The following RUNDC3B variants were observed in gnomAD, a reference collection of about 807,000 sequenced individuals.
RUNDC3B encodes the protein RUN domain-containing protein 3B.
In RUNDC3B, 33 loss-of-function variants were observed where a neutral mutation model predicts 58.4. The observed-to-expected ratio is 0.56, with a 90% confidence interval of 0.43 to 0.75. RUNDC3B has a LOEUF of 0.75. RUNDC3B is among the 30% of genes least tolerant of loss of function. RUNDC3B has a pLI of 0.00. For synonymous variants in RUNDC3B, 193 were observed against 195.2 expected (o/e 0.99, Z 0.10); for missense variants, 501 against 535.7 (o/e 0.94, Z 0.64).
chr7:87,637,924 C>G (rs1286354719), intron 1 of RUNDC3B, among the ~76,000 whole-genome samples: 1 of 151,888 alleles, frequency 6.6e-6, no homozygotes, highest in Non-Finnish European at 1.5e-5. Context: ...GCTAGGACCA[C>G]TAATGCAGTG....
At chr7:87,670,965 C>T (rs1005494295) in intron 2 of RUNDC3B, among the ~76,000 whole-genome samples, 12 of 151,828 alleles carry the variant, frequency 7.9e-5, no homozygotes, top group South Asian at 2.1e-4. Context: ...AGCTTTGGGG[C>T]GATCTCAGTG....
At position 87,628,584 on chromosome 7, in the gene RUNDC3B, CGTGTGTGTGTGTGTGTGTGTGTGTGT is replaced by C. The variant is rs71117546; in HGVS notation, c.-224_-199del. The stretch of plus-strand genomic sequence containing the variant: ...CGAGGGCGGAGGTGGTGCGTGCGTG[CGTGTGTGTGTGTGTGTGTGTGTGTGT>C]GTGTGTGTGTGTGTGGAGCTCGGGT... On this transcript the variant is annotated 5_prime_UTR_variant, in exon 1 of 11. Transcript: ENST00000394654. The C allele has an allele frequency of 7.2e-5, 21 of 290,760 alleles. No individual in the cohort carries two copies. In the South Asian group the frequency reaches 2.1e-3, roughly 29 times the overall value. The allele number at this position is 290,760 out of a possible 1,614,324, so 18.0% of individuals were successfully genotyped here. A position where few individuals can be genotyped will look rare whatever the true frequency, so the allele number is the denominator to read the frequency against.
chr7:87,658,812 A>G (rs1449623532), intron 2 of RUNDC3B, among the ~76,000 whole-genome samples: 1 of 152,192 alleles, frequency 6.6e-6, no homozygotes, highest in African/African-American at 2.4e-5. Context: ...CAGGAAAGAC[A>G]ACTAAGGAAA....
chr7:87,742,618 AGAT>A (rs1411631114), intron 6 of RUNDC3B, among the ~76,000 whole-genome samples: 1 of 151,530 alleles, frequency 6.6e-6, no homozygotes, highest in African/African-American at 2.4e-5. Context: ...ATAGATAGAT[AGAT>A]ATCATGGTTT....
chr7:87,737,313 A>G (rs969737616), intron 4 of RUNDC3B, among the ~76,000 whole-genome samples: 15 of 152,108 alleles, frequency 9.9e-5, no homozygotes, highest in Non-Finnish European at 2.9e-5. Context: ...CATTTATTTT[A>G]TGATCTTGGT....
chr7:87,804,944 T>A (rs1222320431), intron 8 of RUNDC3B, among the ~76,000 whole-genome samples: 1 of 152,172 alleles, frequency 6.6e-6, no homozygotes, highest in Admixed American at 6.6e-5. Context: ...ATTAACTGGG[T>A]ATATTTCACT....
rs1298728940 is a variant in RUNDC3B, at chr7:87,807,355, C to A, written c.957-18C>A. On this transcript the variant is annotated intron_variant, in intron 8 of 10. Transcript: ENST00000394654. ...AGAACAGTGAAGACAAAAGCACTCA[C>A]CATCTTAATATTCACAGGACTGTGC... 1 of 1,612,610 alleles carries A rather than the reference C, an allele frequency of 6.2e-7. No individual in the cohort carries two copies.
rs1283028298 is a variant in RUNDC3B, at chr7:87,741,579, G to A, written c.629G>A (p.Ser210Asn). 2 of 1,516,330 alleles carry A rather than the reference G, an allele frequency of 1.3e-6. No homozygotes were observed. Among genetic ancestry groups the A allele is most frequent in the Non-Finnish European group, 1.8e-6 (2 of 1,104,034 alleles). The allele number at this position is 1,516,330 out of a possible 1,614,324, so 93.9% of individuals were successfully genotyped here. The change falls in exon 6 of 11, where the codon AGT becomes AAT. Residue 210 changes from serine (S) to asparagine (N), a missense_variant and splice_region_variant. Coordinates refer to ENST00000394654, the MANE Select transcript of RUNDC3B (RefSeq NM_001134405.2). ...ACACCATATTTGAAGTATATCCAAA[G>A]GTATGTGACATTTTGAGATATGTTT... ...DYTPYLKYIQ[S>N]SDSISSDEEE...
intron 4 of RUNDC3B, among the ~76,000 whole-genome samples, chr7:87,732,666 T>C (rs1009114919): frequency 3.9e-5 from 6 of 152,144 alleles, no homozygotes; most frequent in African/African-American, 1.4e-4. Context: ...TCTGGTCCCG[T>C]GGTGCCAACA....
At chr7:87,741,318 T>C (rs1014286102) in intron 5 of RUNDC3B, among the ~76,000 whole-genome samples, 181 bp from the exon 6 acceptor site, 2 of 152,170 alleles carry the variant, frequency 1.3e-5, no homozygotes, top group African/African-American at 4.8e-5. Flanking sequence ...GTCATTGGTA[T>C]TGAAGGTAGA....
At chr7:87,763,546 G>C (rs1307577632) in intron 6 of RUNDC3B, among the ~76,000 whole-genome samples, 1 of 151,516 alleles carries the variant, frequency 6.6e-6, no homozygotes, top group Non-Finnish European at 1.5e-5. Context: ...TTGTATGACA[G>C]GGGTTTTTTA....
At chr7:87,680,622 G>A (rs549132905) in intron 2 of RUNDC3B, among the ~76,000 whole-genome samples, 8 of 150,080 alleles carry the variant, frequency 5.3e-5, no homozygotes, top group South Asian at 2.1e-4. Flanking sequence ...GTGAAACCCC[G>A]TTTCTACCAA....
intron 6 of RUNDC3B, among the ~76,000 whole-genome samples, chr7:87,761,346 TGGA>T (rs886717427): frequency 1.3e-5 from 2 of 151,930 alleles, no homozygotes; most frequent in African/African-American, 4.8e-5. Flanking sequence ...GGTGAGGATG[TGGA>T]GAAGTTGCAT....
intron 8 of RUNDC3B, among the ~76,000 whole-genome samples, chr7:87,804,182 G>A (rs1836316486): frequency 6.6e-6 from 1 of 152,134 alleles, no homozygotes; most frequent in African/African-American, 2.4e-5. Flanking sequence ...GAAGATGGAT[G>A]GAATTTGGAT....
At chr7:87,690,083 A>G (rs1827873344) in intron 2 of RUNDC3B, among the ~76,000 whole-genome samples, 1 of 151,852 alleles carries the variant, frequency 6.6e-6, no homozygotes, top group Admixed American at 6.6e-5. Context: ...TTCTGCTTCC[A>G]CCTCCTAAAG....
chr7:87,820,646 A>G (rs2130960243), intron 10 of RUNDC3B, among the ~76,000 whole-genome samples: 1 of 152,346 alleles, frequency 6.6e-6, no homozygotes, highest in Admixed American at 6.5e-5. Context: ...TCAATAAAAT[A>G]CTAGCAAACC....
At chr7:87,799,505 T>C (rs1448964648) in intron 8 of RUNDC3B, among the ~76,000 whole-genome samples, 2 of 152,178 alleles carry the variant, frequency 1.3e-5, no homozygotes, top group Admixed American at 6.6e-5. Context: ...TTCATGAAGA[T>C]TGATAGCCTA....
At position 87,628,919 on chromosome 7, in the gene RUNDC3B, G is replaced by A. The variant is rs375335209; in HGVS notation, c.96G>A (p.Glu32=). ...KSLSARNAAV[E]RRNLITVCRF... is the part of the protein sequence containing the mutation. ...TGAGCGCCCGCAATGCTGCGGTGGA[G>A]AGGAGGAACCTGATCACCGTGTGCA... The change falls in exon 1 of 11, where the codon GAG becomes GAA. Residue 32 remains glutamate, a synonymous_variant. Coordinates refer to ENST00000394654, the MANE Select transcript of RUNDC3B (RefSeq NM_001134405.2). 5.3e-6 allele frequency: 7 copies of A among 1,310,094 alleles called. No homozygotes were observed. The African/African-American group carries it at 7.5e-5, about 14-fold the overall frequency. The allele number at this position is 1,310,094 out of a possible 1,614,324, so 81.2% of individuals were successfully genotyped here.
At chr7:87,778,413 A>G (rs1396036860) in intron 8 of RUNDC3B, among the ~76,000 whole-genome samples, 1 of 149,608 alleles carries the variant, frequency 6.7e-6, no homozygotes, top group Non-Finnish European at 1.5e-5. Context: ...ACAGCACTCC[A>G]CTCTGGCTGA....
Sources: allele counts gnomAD v4.1 joint callset (sites outside exome capture counted in the v4.1 genomes callset), GRCh38; gene constraint gnomAD v4.1.1; transcripts MANE v1.5; gene names NCBI Gene and HGNC (gene_info 2026-07-23, HGNC 2026-07-21).